DIAPH2: variants seen among roughly 807,000 people sequenced by gnomAD.
The protein encoded by DIAPH2 is protein diaphanous homolog 2.
DIAPH2 carries 35 observed loss-of-function variants against 92.7 expected under a neutral mutation model. That is an observed-to-expected ratio of 0.38 (90% CI 0.29 to 0.50). The LOEUF is 0.50. DIAPH2 is among the 20% of genes least tolerant of loss of function. The probability of loss-of-function intolerance (pLI) is 0.94; values close to 1 mark genes in which losing one functional copy is unlikely to be tolerated. For synonymous variants in DIAPH2, 301 were observed against 280.4 expected (o/e 1.07, Z -0.73); for missense variants, 701 against 819.5 (o/e 0.86, Z 1.77).
intron 21 of DIAPH2, among the ~76,000 whole-genome samples, chrX:97,139,195 C>T (rs1195333442): frequency 9.1e-6 from 1 of 109,639 alleles, no homozygotes; most frequent in African/African-American, 3.3e-5. Flanking sequence ...TTGAACAACA[C>T]GATAGGGCCT....
At chrX:97,201,169 G>A (rs1313896514) in intron 22 of DIAPH2, among the ~76,000 whole-genome samples, 1 of 91,880 alleles carries the variant, frequency 1.1e-5, no homozygotes, top group African/African-American at 4.3e-5. Context: ...AAGGTCATCA[G>A]CCTCAAAGAT....
At chrX:97,396,153 T>C (rs1256042457) in intron 25 of DIAPH2, among the ~76,000 whole-genome samples, 1 of 112,056 alleles carries the variant, frequency 8.9e-6, no homozygotes, top group Non-Finnish European at 1.9e-5. Flanking sequence ...CAGAAAAGTG[T>C]CAAATGAATA....
At chrX:96,808,491 T>C (rs756651182) in intron 4 of DIAPH2, among the ~76,000 whole-genome samples, 1 of 112,174 alleles carries the variant, frequency 8.9e-6, no homozygotes, top group South Asian at 3.7e-4. Context: ...TAAAATTTTA[T>C]GTTAAAAAAT....
At chrX:96,804,103 C>T (rs1006103738) in intron 4 of DIAPH2, among the ~76,000 whole-genome samples, 2 of 111,365 alleles carry the variant, frequency 1.8e-5, no homozygotes, top group African/African-American at 3.3e-5. Context: ...TCTCCCTGAC[C>T]GGAATAATTT....
At chrX:97,130,726 T>C (rs1222864494) in intron 21 of DIAPH2, among the ~76,000 whole-genome samples, 2 of 111,618 alleles carry the variant, frequency 1.8e-5, no homozygotes, top group Non-Finnish European at 3.8e-5. Context: ...CACTGAACTG[T>C]GTGCTTAAAC....
chrX:97,429,662 C>G lies in DIAPH2; in HGVS notation c.3158C>G (p.Thr1053Ser), dbSNP rs1191258796. The stretch of plus-strand genomic sequence containing the variant: ...TCCCTTTCTCCAGAGGGTGATGAGA[C>G]TGGTGTGATGGATAATCTTCTAGAA... ...LIDINKEGDE[T>S]GVMDNLLEAL... The change falls in exon 26 of 27, where the codon ACT becomes AGT. Residue 1053 changes from threonine to serine, a missense_variant. Coordinates refer to ENST00000324765, the MANE Select transcript of DIAPH2 (RefSeq NM_006729.5). 2.5e-6 allele frequency: 3 copies of G among 1,206,861 alleles called. No individual in the cohort carries two copies. Among genetic ancestry groups the G allele is most frequent in the Non-Finnish European group, 3.4e-6 (3 of 894,349 alleles).
intron 22 of DIAPH2, among the ~76,000 whole-genome samples, chrX:97,201,181 A>G (rs993856927): frequency 2.0e-5 from 2 of 98,886 alleles, no homozygotes; most frequent in Non-Finnish European, 4.1e-5. Flanking sequence ...CTCAAAGATC[A>G]AAGGTAGATA....
Position 96,836,713 on chromosome X carries a change from ATATATTTTTT to A in DIAPH2, c.448-44864_448-44855del, listed in dbSNP as rs1235453731. ...TATATATATATATATATATATATATATATATTTTTTTTTTTTTTTTTTTTTTTTTTTTGAG... is the reference window on the plus strand; with the variant it reads ...TATATATATATATATATATATATATATTTTTTTTTTTTTTTTTTTTTTGAG... On this transcript the variant is annotated intron_variant, in intron 4 of 26. Coordinates refer to ENST00000324765, the MANE Select transcript of DIAPH2 (RefSeq NM_006729.5). Among the ~76,000 whole-genome samples the A allele has an allele frequency of 9.2e-4, 21 of 22,708 alleles. 1 individual carries two copies. The highest frequency in any genetic ancestry group is 3.6e-3 in the African/African-American group (20 of 5,500). 19.7% of individuals were successfully genotyped at this position (22,708 alleles called of 115,157 possible).
At chrX:96,859,907 T>C (rs1360285354) in intron 4 of DIAPH2, among the ~76,000 whole-genome samples, 6 of 111,588 alleles carry the variant, frequency 5.4e-5, no homozygotes, top group Non-Finnish European at 1.1e-4. Context: ...TCCCAAAGTG[T>C]TGGGATTACA....
intron 23 of DIAPH2, among the ~76,000 whole-genome samples, chrX:97,329,858 AT>A (rs1473748841): frequency 9.7e-6 from 1 of 102,712 alleles, no homozygotes; most frequent in East Asian, 3.2e-4. Flanking sequence ...GGGCACATCT[AT>A]TGGCATTTTT....
intron 19 of DIAPH2, among the ~76,000 whole-genome samples, chrX:97,084,655 G>A (rs1279254489): frequency 5.4e-5 from 6 of 110,956 alleles, no homozygotes; most frequent in Non-Finnish European, 9.4e-5. Context: ...CATGCTTTAT[G>A]TTGTATTTTA....
intron 1 of DIAPH2, among the ~76,000 whole-genome samples, chrX:96,704,949 C>T (rs2063875529): frequency 9.4e-6 from 1 of 106,134 alleles, no homozygotes; most frequent in Non-Finnish European, 1.9e-5. Flanking sequence ...GGGAAGAATG[C>T]ATTCAGAGTT....
chrX:97,266,216 G>A (rs185118345), intron 23 of DIAPH2, among the ~76,000 whole-genome samples: 6 of 111,830 alleles, frequency 5.4e-5, no homozygotes, highest in East Asian at 2.8e-4. Flanking sequence ...ATCTAATGGC[G>A]AATAAGTCAT....
intron 1 of DIAPH2, among the ~76,000 whole-genome samples, chrX:96,703,561 C>T (rs1410125333): frequency 9.0e-6 from 1 of 111,097 alleles, no homozygotes; most frequent in East Asian, 2.8e-4. Flanking sequence ...TTTTCCTCCA[C>T]AAATAGATCC....
At chrX:96,887,733 C>G (rs897321368) in intron 5 of DIAPH2, among the ~76,000 whole-genome samples, 64 of 111,201 alleles carry the variant, frequency 5.8e-4, no homozygotes, top group Middle Eastern at 4.3e-3. Context: ...CTTTTTATAA[C>G]AGCAATTTAA....
intron 3 of DIAPH2, among the ~76,000 whole-genome samples, chrX:96,751,018 G>A (rs770056717): frequency 3.6e-5 from 4 of 112,288 alleles, no homozygotes; most frequent in Non-Finnish European, 7.5e-5. Context: ...TAAGGTACTG[G>A]ATTTGAGTAT....
chrX:96,819,683 T>C (rs191709126), intron 4 of DIAPH2, among the ~76,000 whole-genome samples: 1 of 112,640 alleles, frequency 8.9e-6, no homozygotes. Flanking sequence ...AAAATCTATT[T>C]GTAGTCTGTG....
chrX:97,549,103 C>A (rs779446111), intron 26 of DIAPH2, among the ~76,000 whole-genome samples: 1 of 112,162 alleles, frequency 8.9e-6, no homozygotes, highest in Admixed American at 9.4e-5. Flanking sequence ...TTGTGACTAA[C>A]TTACTTTTTA....
chrX:97,203,932 T>C (rs1043774310), intron 22 of DIAPH2, among the ~76,000 whole-genome samples: 1 of 112,074 alleles, frequency 8.9e-6, no homozygotes, highest in Non-Finnish European at 1.9e-5. Context: ...AATAACATAT[T>C]GGTAAACTGA....
Sources: gnomAD v4.1 joint callset for allele counts (sites outside exome capture counted in the v4.1 genomes callset) on GRCh38, gnomAD v4.1.1 for gene constraint, MANE v1.5 for transcripts, NCBI Gene and HGNC (gene_info 2026-07-23, HGNC 2026-07-21) for gene names.